Variants in TTC28 observed in about 807,000 individuals in gnomAD.
TTC28 encodes tetratricopeptide repeat domain 28, also known as tetratricopeptide repeat protein 28.
In TTC28, 61 loss-of-function variants were observed where a neutral mutation model predicts 198.0. The ratio of observed to expected loss-of-function variants is 0.31; its 90% CI spans 0.25 to 0.38. The LOEUF (loss-of-function observed/expected upper bound fraction) is 0.38, where lower values mean the gene tolerates loss of function less well. TTC28 is among the 10% of genes least tolerant of loss of function. TTC28 has a pLI of 1.00. For synonymous variants in TTC28, 1,171 were observed against 1,297.8 expected (o/e 0.90, Z 2.10); for missense variants, 2,678 against 3,164.0 (o/e 0.85, Z 3.69).
intron 5 of TTC28, among the ~76,000 whole-genome samples, chr22:28,170,319 C>G (rs1378624369): frequency 4.6e-5 from 7 of 151,754 alleles, no homozygotes; most frequent in Non-Finnish European, 1.0e-4. Flanking sequence ...AACCCCGTCT[C>G]TATTAAAAAT....
At chr22:28,145,325 A>G (rs1192575486) in intron 6 of TTC28, among the ~76,000 whole-genome samples, 1 of 152,186 alleles carries the variant, frequency 6.6e-6, no homozygotes, top group Non-Finnish European at 1.5e-5. Flanking sequence ...GTTCAGGGTC[A>G]TGCAAAAGGT....
intron 2 of TTC28, among the ~76,000 whole-genome samples, chr22:28,386,628 G>A (rs1018483990): frequency 6.6e-6 from 1 of 152,104 alleles, no homozygotes; most frequent in African/African-American, 2.4e-5. Context: ...ACTCCATAGG[G>A]TCTAAGAGCT....
intron 5 of TTC28, among the ~76,000 whole-genome samples, chr22:28,290,016 C>G (rs917964457): frequency 1.3e-5 from 2 of 151,802 alleles, no homozygotes; most frequent in African/African-American, 4.8e-5. Flanking sequence ...AGAGCGAGAC[C>G]CCATCTCAAA....
chr22:28,582,787 T>G (rs1397644398), intron 2 of TTC28, among the ~76,000 whole-genome samples: 1 of 152,216 alleles, frequency 6.6e-6, no homozygotes, highest in East Asian at 1.9e-4. Flanking sequence ...CAAGTCACAT[T>G]CTTTGTTTTA....
At chr22:28,173,883 T>C (rs1922912770) in intron 5 of TTC28, among the ~76,000 whole-genome samples, 1 of 152,172 alleles carries the variant, frequency 6.6e-6, no homozygotes, top group Non-Finnish European at 1.5e-5. Flanking sequence ...TTATATTTTG[T>C]GGGAGGATTA....
chr22:28,454,199 C>A (rs1213558894), intron 2 of TTC28, among the ~76,000 whole-genome samples: 2 of 152,140 alleles, frequency 1.3e-5, no homozygotes, highest in African/African-American at 2.4e-5. Flanking sequence ...TTCTTCAAGC[C>A]ACTTATTACA....
intron 5 of TTC28, among the ~76,000 whole-genome samples, chr22:28,211,030 C>T (rs1362994155): frequency 6.6e-6 from 1 of 152,094 alleles, no homozygotes; most frequent in Non-Finnish European, 1.5e-5. Context: ...TCCAGCCAAA[C>T]TAAGCTTCAT....
chr22:28,398,044 CA>C (rs1171293782), intron 2 of TTC28, among the ~76,000 whole-genome samples: 1 of 152,226 alleles, frequency 6.6e-6, no homozygotes, highest in African/African-American at 2.4e-5. Flanking sequence ...ATCTAATCTT[CA>C]AGGTGACACA....
At chr22:28,081,493 ATTT>A (rs35534789) in intron 12 of TTC28, among the ~76,000 whole-genome samples, 10 of 125,520 alleles carry the variant, frequency 8.0e-5, no homozygotes, top group African/African-American at 1.2e-4. Flanking sequence ...TGCCACCAGG[ATTT>A]TTTTTTTTTT....
At chr22:28,567,471 CATACATACATATATATAT>C (rs1278147015) in intron 2 of TTC28, among the ~76,000 whole-genome samples, 33 of 27,102 alleles carry the variant, frequency 1.2e-3, no homozygotes, top group African/African-American at 3.5e-3. Context: ...CACGCATATA[CATACATACATATATATAT>C]ATATATATAT....
At chr22:28,223,581 C>G (rs1168344687) in intron 5 of TTC28, among the ~76,000 whole-genome samples, 2 of 152,070 alleles carry the variant, frequency 1.3e-5, no homozygotes, top group Admixed American at 6.6e-5. Context: ...AGTGGAACAT[C>G]CTGAATGATT....
At chr22:28,614,004 GTC>G (rs1259933997) in intron 2 of TTC28, among the ~76,000 whole-genome samples, 1 of 152,180 alleles carries the variant, frequency 6.6e-6, no homozygotes, top group Non-Finnish European at 1.5e-5. Flanking sequence ...AAGTCAAATT[GTC>G]TCTGTTTCCA....
At chr22:28,208,880 G>A (rs2147172211) in intron 5 of TTC28, among the ~76,000 whole-genome samples, 1 of 152,160 alleles carries the variant, frequency 6.6e-6, no homozygotes, top group African/African-American at 2.4e-5. Context: ...GGGTGAAGTT[G>A]CTTATTCTCT....
chr22:28,123,400 C>T (rs546652925), intron 6 of TTC28, among the ~76,000 whole-genome samples: 24 of 152,148 alleles, frequency 1.6e-4, no homozygotes, highest in Middle Eastern at 6.8e-3. Context: ...GGACTACAAG[C>T]GCATGCCACC....
chr22:28,370,407 T>C (rs1433904950), intron 2 of TTC28, among the ~76,000 whole-genome samples: 1 of 152,232 alleles, frequency 6.6e-6, no homozygotes, highest in African/African-American at 2.4e-5. Flanking sequence ...ACCTTCATTA[T>C]ATTCTCCTCA....
chr22:28,107,304 C>T lies in TTC28; in HGVS notation c.2541G>A (p.Met847Ile). The change falls in exon 7 of 23, where the codon ATG becomes ATA. Residue 847 changes from methionine to isoleucine, a missense_variant. Around this residue, in one of 8 missense-constraint regions of TTC28, gnomAD observed 775 missense variants for 845.9 expected, o/e 0.92. Transcript: ENST00000397906. ...YGNMGITKMN[M>I]NVMEEAIGYF... ...AGCCAATGGCTTCTTCCATCACATT[C>T]ATGTTCATCTTTGTGATGCCCATGT... 1 of 1,551,886 alleles carries T rather than the reference C, an allele frequency of 6.4e-7. No individual in the cohort carries two copies. Among genetic ancestry groups the T allele is most frequent in the Non-Finnish European group, 8.7e-7 (1 of 1,147,028 alleles).
intron 2 of TTC28, among the ~76,000 whole-genome samples, chr22:28,479,280 G>C (rs2146318012): frequency 6.6e-6 from 1 of 152,230 alleles, no homozygotes; most frequent in East Asian, 1.9e-4. Flanking sequence ...GTGGAAGGAG[G>C]GGGCCACTTT....
Position 28,032,267 on chromosome 22 carries a change from AGTGTGTGT to A in TTC28, c.3933-1909_3933-1902del, listed in dbSNP as rs370005298. Reference sequence around the variant, plus strand: ...ATATATAAAATATATATATATATATAGTGTGTGTGTGTGTGTGTGTGTGTGTGTATATG... The same window carrying A: ...ATATATAAAATATATATATATATATAGTGTGTGTGTGTGTGTGTGTATATG... On this transcript the variant is annotated intron_variant, in intron 12 of 22. Coordinates refer to ENST00000397906, the MANE Select transcript of TTC28 (RefSeq NM_001145418.2). 1.4e-4 allele frequency among the ~76,000 whole-genome samples: 11 copies of A among 78,720 alleles called. 2 individuals carry two copies. The highest frequency in any genetic ancestry group is 2.9e-4 in the Admixed American group (2 of 6,884). 51.6% of individuals were successfully genotyped at this position (78,720 alleles called of 152,430 possible).
In TTC28 at chr22:28,005,535, A is replaced by G. The variant is rs1014759396; in HGVS notation, c.4219-3982T>C. On this transcript the variant is annotated intron_variant, in intron 14 of 22. Transcript: ENST00000397906. This position sits in a 1 kb window ranked among gnomAD's most constrained non-coding sequence, Gnocchi z 4.9. ...GCAGGGTGCTGAGCTGTGTCAGTGG[A>G]GTGCACTAAGGGGCACTGAGGAGGC... Among the ~76,000 whole-genome samples the G allele has an allele frequency of 6.6e-6, 1 of 152,038 alleles. No homozygotes were observed. The highest frequency in any genetic ancestry group is 1.5e-5 in the Non-Finnish European group (1 of 67,996).
Sources: gnomAD v4.1 joint callset for allele counts (sites outside exome capture counted in the v4.1 genomes callset) on GRCh38, gnomAD v4.1.1 for gene constraint, gnomAD v4.1.1 regional missense constraint, Gnocchi (gnomAD v3.1) non-coding constraint, MANE v1.5 for transcripts, NCBI Gene and HGNC (gene_info 2026-07-23, HGNC 2026-07-21) for gene names.